Variants in NEK1 observed in about 807,000 individuals in gnomAD.
The protein encoded by NEK1 is serine/threonine-protein kinase Nek1.
Under a neutral mutation model 182.1 loss-of-function variants are expected in NEK1, and 137 were observed. That is an observed-to-expected ratio of 0.75 (90% CI 0.65 to 0.87). The LOEUF is 0.87. NEK1 is among the 40% of genes least tolerant of loss of function. NEK1 has a pLI of 0.00. For synonymous variants in NEK1, 513 were observed against 492.2 expected, an observed-to-expected ratio of 1.04 and a Z score of -0.56; for missense variants, 1,391 against 1,494.4, an observed-to-expected ratio of 0.93 and a Z score of 1.14.
chr4:169,503,282 T>C (rs575745345), intron 23 of NEK1, among the ~76,000 whole-genome samples: 9 of 152,234 alleles, frequency 5.9e-5, no homozygotes, highest in African/African-American at 2.2e-4. Context: ...CTTGGTATCA[T>C]TAAAATGTCC....
intron 23 of NEK1, among the ~76,000 whole-genome samples, chr4:169,480,999 T>C (rs1211273576): frequency 1.3e-5 from 2 of 152,222 alleles, no homozygotes; most frequent in African/African-American, 4.8e-5. Context: ...GTTTACAAAA[T>C]ATTCTAAATC....
At chr4:169,474,423 T>C (rs1746584585) in intron 26 of NEK1, among the ~76,000 whole-genome samples, 1 of 152,220 alleles carries the variant, frequency 6.6e-6, no homozygotes, top group South Asian at 2.1e-4. Flanking sequence ...CCCCACCAAG[T>C]AATACCATCT....
intron 18 of NEK1, among the ~76,000 whole-genome samples, chr4:169,543,271 GGTTT>G (rs1759774393): frequency 2.0e-5 from 3 of 151,818 alleles, no homozygotes; most frequent in African/African-American, 7.3e-5. Flanking sequence ...TTGTTTATCG[GGTTT>G]GTTAAAGAGC....
At chr4:169,494,973 G>A (rs1453421038) in intron 23 of NEK1, among the ~76,000 whole-genome samples, 3 of 152,126 alleles carry the variant, frequency 2.0e-5, no homozygotes, top group Non-Finnish European at 2.9e-5. Flanking sequence ...TGAGTTCATT[G>A]TAGATTCTGG....
At chr4:169,544,957 G>A (rs914911006) in intron 18 of NEK1, among the ~76,000 whole-genome samples, 3 of 150,728 alleles carry the variant, frequency 2.0e-5, no homozygotes, top group African/African-American at 4.9e-5. Context: ...ATTTTTTGAA[G>A]GGTTTTTTGT....
chr4:169,501,881 G>GA (rs1752481622), intron 23 of NEK1, among the ~76,000 whole-genome samples: 1 of 151,896 alleles, frequency 6.6e-6, no homozygotes, highest in African/African-American at 2.4e-5. Context: ...GCTAGCCGAC[G>GA]AAAAGAAATA....
chr4:169,437,109 A>G (rs1738558430), intron 28 of NEK1, among the ~76,000 whole-genome samples: 2 of 152,220 alleles, frequency 1.3e-5, no homozygotes, highest in South Asian at 4.1e-4. Context: ...GTTGGATTTT[A>G]GAATTTCTAG....
rs368748198 is a variant in NEK1, at chr4:169,428,895, A to T, written c.2886-2661T>A. 2.0e-4 allele frequency among the ~76,000 whole-genome samples: 30 copies of T among 152,260 alleles called. 1 individual carries two copies. In the South Asian group the frequency reaches 6.2e-3, roughly 32 times the overall value. On this transcript the variant is annotated intron_variant, in intron 29 of 35. Transcript: ENST00000507142. Reference sequence around the variant, plus strand: ...TCATTCAATATTATTTTATTCCATTAATCAATGTTTTAGACATCTTTCCAT... The same window carrying T: ...TCATTCAATATTATTTTATTCCATTTATCAATGTTTTAGACATCTTTCCAT...
intron 31 of NEK1, 140 bp downstream of exon 31, chr4:169,424,413 C>T (rs1736006147): frequency 6.0e-6 from 6 of 999,696 alleles, no homozygotes; most frequent in Non-Finnish European, 4.1e-6. Context: ...AATTTATTTG[C>T]TCAGAAGATG....
At chr4:169,549,269 C>T (rs954537253) in intron 18 of NEK1, among the ~76,000 whole-genome samples, 6 of 152,162 alleles carry the variant, frequency 3.9e-5, no homozygotes, top group Admixed American at 6.5e-5. Flanking sequence ...TGCTTCAGCT[C>T]GCCCTCCTTG....
intron 26 of NEK1, among the ~76,000 whole-genome samples, chr4:169,466,475 C>T (rs1043280086): frequency 6.6e-6 from 1 of 151,862 alleles, no homozygotes; most frequent in Non-Finnish European, 1.5e-5. Context: ...GACCTCATCA[C>T]AAGTAATGTG....
At chr4:169,595,536 A>G (rs1769287365) in intron 5 of NEK1, among the ~76,000 whole-genome samples, 1 of 152,176 alleles carries the variant, frequency 6.6e-6, no homozygotes, top group African/African-American at 2.4e-5. Flanking sequence ...ATGTAATTGG[A>G]CAAATCAATT....
chr4:169,470,663 C>G (rs1045831602), intron 26 of NEK1, among the ~76,000 whole-genome samples: 1 of 152,208 alleles, frequency 6.6e-6, no homozygotes, highest in Non-Finnish European at 1.5e-5. Context: ...GAATGTTGGT[C>G]TGCCTTGCTA....
chr4:169,472,355 A>G (rs1746153125), intron 26 of NEK1, among the ~76,000 whole-genome samples: 1 of 152,042 alleles, frequency 6.6e-6, no homozygotes, highest in Admixed American at 6.6e-5. Flanking sequence ...CCCTCACGGC[A>G]CAGTCCTTCA....
intron 35 of NEK1, among the ~76,000 whole-genome samples, chr4:169,397,190 C>T (rs1185537225): frequency 2.0e-5 from 3 of 151,794 alleles, no homozygotes; most frequent in Non-Finnish European, 4.4e-5. Context: ...TGCCACTGCA[C>T]TCCAACCTGG....
chr4:169,557,945 T>C (rs1288248155), intron 16 of NEK1, among the ~76,000 whole-genome samples: 1 of 151,676 alleles, frequency 6.6e-6, no homozygotes, highest in Non-Finnish European at 1.5e-5. Flanking sequence ...AATAAGTAAA[T>C]AAATAAAATA....
At chr4:169,509,408 C>A (rs1024023501) in intron 19 of NEK1, among the ~76,000 whole-genome samples, 8 of 149,490 alleles carry the variant, frequency 5.4e-5, no homozygotes, top group African/African-American at 2.1e-4. Context: ...TTATATATTT[C>A]TCTTCCTTCA....
In NEK1 at chr4:169,448,847, T is replaced by C. The variant is rs529445730; in HGVS notation, c.2588-10588A>G. On this transcript the variant is annotated intron_variant, in intron 27 of 35. Transcript: ENST00000507142. ...CCACGGAGGGTGAGCCGAAGCAGGG[T>C]GGGGCATCACCTCACCTGGGAAGCG... Among the ~76,000 whole-genome samples the C allele has an allele frequency of 5.9e-5, 9 of 152,234 alleles. No individual in the cohort carries two copies. The South Asian group carries it at 1.9e-3, about 32-fold the overall frequency.
At chr4:169,581,039 TAAAAAAAAAAA>T (rs34236215) in intron 10 of NEK1, 137 bp from the exon 11 acceptor site, 1,650 of 130,968 alleles carry the variant, frequency 0.013, 24 homozygotes, top group South Asian at 0.1. Context: ...ACCAAGTTGT[TAAAAAAAAAAA>T]AAAAAAAAAA....
Sources: allele counts gnomAD v4.1 joint callset (sites outside exome capture counted in the v4.1 genomes callset), GRCh38; gene constraint gnomAD v4.1.1; transcripts MANE v1.5; gene names NCBI Gene and HGNC (gene_info 2026-07-23, HGNC 2026-07-21).